The following CTNND2 variants were observed in gnomAD, a reference collection of about 807,000 sequenced individuals.
The protein encoded by CTNND2 is catenin delta-2.
A neutral mutation model predicts 144.4 loss-of-function variants in CTNND2; 22 were observed. The ratio of observed to expected loss-of-function variants is 0.15; its 90% CI spans 0.11 to 0.22. The LOEUF is 0.22. Among genes scored for constraint, CTNND2 ranks in the 10% least tolerant of loss-of-function variants. The probability of loss-of-function intolerance (pLI) is 1.00; values close to 1 mark genes in which losing one functional copy is unlikely to be tolerated. For synonymous variants in CTNND2, 751 were observed against 695.6 expected, an observed-to-expected ratio of 1.08 and a Z score of -1.25; for missense variants, 1,353 against 1,618.8, an observed-to-expected ratio of 0.84 and a Z score of 2.82.
chr5:11,874,403 GT>G (rs1175292230), intron 1 of CTNND2, among the ~76,000 whole-genome samples: 2 of 152,146 alleles, frequency 1.3e-5, no homozygotes, highest in East Asian at 3.9e-4. Context: ...GAAATTTATA[GT>G]TAGGCACAGT....
chr5:11,050,506 A>G (rs1450006889), intron 16 of CTNND2, among the ~76,000 whole-genome samples: 1 of 152,216 alleles, frequency 6.6e-6, no homozygotes, highest in Non-Finnish European at 1.5e-5. Flanking sequence ...AAACTAATTT[A>G]AAATAAAGTA....
chr5:11,220,374 G>C (rs764048920), intron 10 of CTNND2, among the ~76,000 whole-genome samples: 3 of 152,128 alleles, frequency 2.0e-5, no homozygotes, highest in Non-Finnish European at 4.4e-5. Context: ...CAGGCAGTCG[G>C]TGAAGTCTGA....
chr5:11,368,524 C>T (rs1157935526), intron 7 of CTNND2, among the ~76,000 whole-genome samples: 1 of 152,162 alleles, frequency 6.6e-6, no homozygotes, highest in Admixed American at 6.5e-5. Flanking sequence ...CCTCAGACAT[C>T]CCCTGCTTCT....
intron 3 of CTNND2, among the ~76,000 whole-genome samples, chr5:11,504,067 G>A (rs1770776544): frequency 6.6e-6 from 1 of 152,214 alleles, no homozygotes; most frequent in Admixed American, 6.5e-5. Context: ...GAGTGCTAAA[G>A]AATCATTATA....
chr5:11,237,694 T>C lies in CTNND2; in HGVS notation c.1629-871A>G, dbSNP rs77080652. 4.0e-3 allele frequency among the ~76,000 whole-genome samples: 609 copies of C among 152,308 alleles called. 5 individuals carry two copies. Among genetic ancestry groups the C allele is most frequent in the African/African-American group, 0.014 (584 of 41,560 alleles). On this transcript the variant is annotated intron_variant, in intron 9 of 21. Coordinates refer to ENST00000304623, the MANE Select transcript of CTNND2 (RefSeq NM_001332.4). The stretch of plus-strand genomic sequence containing the variant: ...ATGGATCAGGTATAGAGGTCATATC[T>C]ATTCTAGTATATTGTTTCAATAGTC...
chr5:11,530,024 C>T (rs1210150794), intron 3 of CTNND2, among the ~76,000 whole-genome samples: 2 of 150,352 alleles, frequency 1.3e-5, no homozygotes, highest in Non-Finnish European at 3.0e-5. Flanking sequence ...TTGTACCTTG[C>T]AGTAAGCTTA....
intron 1 of CTNND2, among the ~76,000 whole-genome samples, chr5:11,901,718 T>A (rs911119387): frequency 1.3e-5 from 2 of 152,166 alleles, no homozygotes; most frequent in Admixed American, 1.3e-4. Flanking sequence ...TCAGATAATA[T>A]CATTTTCAAT....
At chr5:11,360,730 A>G (rs57361037) in intron 8 of CTNND2, among the ~76,000 whole-genome samples, 2,252 of 152,228 alleles carry the variant, frequency 0.015, 52 homozygotes, top group African/African-American at 0.052. Flanking sequence ...TGTAGCCTAT[A>G]TGATATTACC....
intron 2 of CTNND2, among the ~76,000 whole-genome samples, chr5:11,588,145 G>A (rs1489651512): frequency 6.6e-6 from 1 of 152,050 alleles, no homozygotes; most frequent in Non-Finnish European, 1.5e-5. Context: ...TTATCACTGA[G>A]AACCAAATAA....
intron 1 of CTNND2, among the ~76,000 whole-genome samples, chr5:11,829,915 C>G (rs1211476265): frequency 6.6e-6 from 1 of 152,192 alleles, no homozygotes; most frequent in African/African-American, 2.4e-5. Context: ...AGGTGTGGAG[C>G]TGCCCAAGAC....
At chr5:11,581,571 G>T (rs1331378058) in intron 2 of CTNND2, among the ~76,000 whole-genome samples, 1 of 152,170 alleles carries the variant, frequency 6.6e-6, no homozygotes, top group South Asian at 2.1e-4. Context: ...TAGATGGATT[G>T]CACTGTGATG....
At chr5:11,715,160 A>G (rs1197865300) in intron 2 of CTNND2, among the ~76,000 whole-genome samples, 4 of 152,044 alleles carry the variant, frequency 2.6e-5, no homozygotes, top group Non-Finnish European at 4.4e-5. Context: ...AATATCCAAT[A>G]CTCTCTGGAC....
intron 9 of CTNND2, among the ~76,000 whole-genome samples, chr5:11,319,559 C>T (rs547454321): frequency 4.6e-5 from 7 of 152,194 alleles, no homozygotes; most frequent in South Asian, 2.1e-4. Flanking sequence ...CTCACTCTGT[C>T]GCCCAGGCTA....
intron 12 of CTNND2, among the ~76,000 whole-genome samples, chr5:11,136,736 G>T (rs189099957): frequency 1.3e-5 from 2 of 152,222 alleles, no homozygotes; most frequent in African/African-American, 4.8e-5. Flanking sequence ...TACCTTCTAG[G>T]GAAGTCTCAT....
chr5:11,039,327 C>G (rs1003550589), intron 16 of CTNND2, among the ~76,000 whole-genome samples: 1 of 152,166 alleles, frequency 6.6e-6, no homozygotes, highest in African/African-American at 2.4e-5. Flanking sequence ...TAAATGTAGA[C>G]GGCTGGTCTT....
At chr5:11,842,167 C>G (rs912409595) in intron 1 of CTNND2, among the ~76,000 whole-genome samples, 1 of 151,800 alleles carries the variant, frequency 6.6e-6, no homozygotes, top group African/African-American at 2.4e-5. Flanking sequence ...GAACCCAGTC[C>G]CCTTTTTTCT....
chr5:11,559,461 G>A (rs1776512725), intron 3 of CTNND2, among the ~76,000 whole-genome samples: 1 of 152,126 alleles, frequency 6.6e-6, no homozygotes, highest in Non-Finnish European at 1.5e-5. Flanking sequence ...AATTTAGCAC[G>A]ACGCTTTAAA....
At chr5:11,578,108 T>C (rs1778104879) in intron 2 of CTNND2, among the ~76,000 whole-genome samples, 1 of 152,206 alleles carries the variant, frequency 6.6e-6, no homozygotes, top group Non-Finnish European at 1.5e-5. Flanking sequence ...TTCCGTGTGT[T>C]ATTTTTCATA....
At chr5:11,085,911 G>A (rs1580243330) in intron 15 of CTNND2, among the ~76,000 whole-genome samples, 2 of 152,164 alleles carry the variant, frequency 1.3e-5, no homozygotes, top group Non-Finnish European at 2.9e-5. Context: ...TGACTGCAGT[G>A]GCTGAGCAAG....
Sources: allele counts gnomAD v4.1 joint callset (sites outside exome capture counted in the v4.1 genomes callset), GRCh38; gene constraint gnomAD v4.1.1; transcripts MANE v1.5; gene names NCBI Gene and HGNC (gene_info 2026-07-23, HGNC 2026-07-21).